Variants in MAN2A1 observed in about 807,000 individuals in gnomAD.
MAN2A1 encodes the protein mannosidase alpha class 2A member 1, also known as alpha-mannosidase 2.
MAN2A1 carries 76 observed loss-of-function variants against 142.6 expected under a neutral mutation model. The observed-to-expected ratio is 0.53, with a 90% CI of 0.44 to 0.65. The LOEUF is 0.65. Ranked by LOEUF, MAN2A1 falls within the 30% of genes least tolerant of loss-of-function variation. The pLI is 0.00. For synonymous variants in MAN2A1, 559 were observed against 473.2 expected (o/e 1.18, Z -2.35); for missense variants, 1,311 against 1,365.1 (o/e 0.96, Z 0.62).
At chr5:109,736,344 A>T (rs576319758) in intron 4 of MAN2A1, among the ~76,000 whole-genome samples, 3 of 152,054 alleles carry the variant, frequency 2.0e-5, no homozygotes, top group Non-Finnish European at 4.4e-5. Context: ...TATAAAGGCA[A>T]TTTTTTGATT....
At chr5:109,706,702 C>T (rs1751143491) in intron 1 of MAN2A1, among the ~76,000 whole-genome samples, 1 of 151,692 alleles carries the variant, frequency 6.6e-6, no homozygotes, top group Non-Finnish European at 1.5e-5. Flanking sequence ...CCAGAAAGAA[C>T]TTGATGTGTT....
chr5:109,753,766 G>A (rs970425410), intron 4 of MAN2A1, among the ~76,000 whole-genome samples: 2 of 152,114 alleles, frequency 1.3e-5, no homozygotes, highest in Non-Finnish European at 2.9e-5. Flanking sequence ...GCTGTTAGCT[G>A]TAGGCATCCA....
At chr5:109,759,176 C>G (rs1337825787) in intron 5 of MAN2A1, among the ~76,000 whole-genome samples, 1 of 152,084 alleles carries the variant, frequency 6.6e-6, no homozygotes, top group Admixed American at 6.6e-5. Context: ...AACAATGTCA[C>G]ATCTTCTGAT....
chr5:109,843,416 A>AC lies in MAN2A1; in HGVS notation c.2700+957dup, dbSNP rs558513482. On this transcript the variant is annotated intron_variant, in intron 17 of 21. Transcript: ENST00000261483. ...CTGCCCACCAGGTCTCTCTCTCAACACCTGGGGATTACAATTCAAGATGAG... is the reference window on the plus strand; with the variant it reads ...CTGCCCACCAGGTCTCTCTCTCAACACCCTGGGGATTACAATTCAAGATGAG... 2.7e-4 allele frequency among the ~76,000 whole-genome samples: 41 copies of AC among 152,228 alleles called. No homozygotes were observed. In the South Asian group the frequency reaches 8.3e-3, roughly 31 times the overall value.
chr5:109,743,312 C>G (rs922220490), intron 4 of MAN2A1, among the ~76,000 whole-genome samples: 4 of 152,160 alleles, frequency 2.6e-5, no homozygotes, highest in African/African-American at 9.7e-5. Context: ...GGACTACTTC[C>G]AGATCTAAAG....
chr5:109,766,116 T>C (rs947393144), intron 5 of MAN2A1, among the ~76,000 whole-genome samples: 5 of 152,160 alleles, frequency 3.3e-5, no homozygotes, highest in Admixed American at 6.6e-5. Context: ...CCTGTATCTA[T>C]ATTTTTATAT....
chr5:109,811,857 T>C (rs1450543908), intron 12 of MAN2A1, among the ~76,000 whole-genome samples: 3 of 152,202 alleles, frequency 2.0e-5, no homozygotes, highest in Admixed American at 6.5e-5. Flanking sequence ...ATGTGGTTAC[T>C]TTGAATGTGT....
chr5:109,823,256 TG>T (rs1371515737), intron 15 of MAN2A1, among the ~76,000 whole-genome samples: 2 of 152,196 alleles, frequency 1.3e-5, no homozygotes, highest in Non-Finnish European at 2.9e-5. Context: ...AACCGAGCTA[TG>T]ATTAAACTAT....
chr5:109,780,459 G>A (rs886330182), intron 8 of MAN2A1, among the ~76,000 whole-genome samples: 4 of 151,394 alleles, frequency 2.6e-5, no homozygotes, highest in Admixed American at 6.6e-5. Flanking sequence ...TGGTAGAGAT[G>A]GAATTCAAAG....
intron 3 of MAN2A1, among the ~76,000 whole-genome samples, chr5:109,718,507 A>G (rs1228132987): frequency 6.6e-6 from 1 of 152,152 alleles, no homozygotes; most frequent in Non-Finnish European, 1.5e-5. Context: ...CTTTCCTGAC[A>G]ATTTACCTGG....
intron 5 of MAN2A1, among the ~76,000 whole-genome samples, chr5:109,757,065 G>C (rs1752707985): frequency 6.6e-6 from 1 of 152,034 alleles, no homozygotes; most frequent in African/African-American, 2.4e-5. Context: ...CTTGCACCTG[G>C]TTTCCTCTGG....
Position 109,820,002 on chromosome 5 carries a change from CTT to C in MAN2A1, c.2328+116_2328+117del. ...CTTAAGTAGAGCTGTATCAAATACTCTTGAGTAAAAGGAAGCATGAGCTTTTT... is the reference window on the plus strand; with the variant it reads ...CTTAAGTAGAGCTGTATCAAATACTCGAGTAAAAGGAAGCATGAGCTTTTT... On this transcript the variant is annotated intron_variant, in intron 14 of 21. Coordinates refer to ENST00000261483, the MANE Select transcript of MAN2A1 (RefSeq NM_002372.4). 1.0e-5 allele frequency: 9 copies of C among 859,430 alleles called. No homozygotes were observed. In the East Asian group the frequency reaches 2.2e-4, roughly 21 times the overall value. The allele number at this position is 859,430 out of a possible 1,614,324, so 53.2% of individuals were successfully genotyped here.
rs1275201967 is a variant in MAN2A1 at position 109,845,949 on chromosome 5, A to G, written c.2785A>G (p.Lys929Glu). 23 of 1,613,778 alleles carry G rather than the reference A, an allele frequency of 1.4e-5. No individual in the cohort carries two copies. The highest frequency in any genetic ancestry group is 1.8e-5 in the Non-Finnish European group (21 of 1,179,812). ...MTTMAYIQDA[K>E]HRLTLLSAQS... ...CACAATGGCCTATATCCAGGATGCC[A>G]AACATCGTTTGACACTGCTCTCTGC... The change falls in exon 18 of 22, where the codon AAA becomes GAA. Residue 929 changes from lysine to glutamate, a missense_variant. This residue lies in a region of MAN2A1 where 890 missense variants were observed against 920.5 expected (regional missense o/e 0.97). Coordinates refer to ENST00000261483, the MANE Select transcript of MAN2A1 (RefSeq NM_002372.4).
intron 15 of MAN2A1, among the ~76,000 whole-genome samples, chr5:109,821,538 A>G (rs1387758201): frequency 6.6e-6 from 1 of 152,110 alleles, no homozygotes; most frequent in Non-Finnish European, 1.5e-5. Context: ...GTTCAATCCC[A>G]CCAGCATTTT....
chr5:109,713,805 C>T lies in MAN2A1; in HGVS notation c.390+31C>T, dbSNP rs62377055. 8 of 1,385,240 alleles carry T rather than the reference C, an allele frequency of 5.8e-6. No homozygotes were observed. In the East Asian group the frequency reaches 2.4e-4, roughly 41 times the overall value. 85.8% of individuals were successfully genotyped at this position (1,385,240 alleles called of 1,614,324 possible). A position where few individuals can be genotyped will look rare whatever the true frequency, so the allele number is the denominator to read the frequency against. On this transcript the variant is annotated intron_variant, in intron 2 of 21. Coordinates refer to ENST00000261483, the MANE Select transcript of MAN2A1 (RefSeq NM_002372.4). ...GTATACATTCGTTAATAATCACTGG[C>T]CTTTTTTTTTTTTTGTTCTTTTTAA...
intron 15 of MAN2A1, among the ~76,000 whole-genome samples, chr5:109,823,288 G>A (rs1393840512): frequency 6.6e-6 from 1 of 152,060 alleles, no homozygotes; most frequent in Non-Finnish European, 1.5e-5. Flanking sequence ...CCTGCTTTCA[G>A]TTTGCTTAGA....
chr5:109,713,832 A>G, intron 2 of MAN2A1, 58 bp downstream of exon 2: 1 of 1,486,716 alleles, frequency 6.7e-7, no homozygotes, highest in East Asian at 2.3e-5. Flanking sequence ...TCTTTTTAAG[A>G]TTTGACCTGA....
intron 20 of MAN2A1, among the ~76,000 whole-genome samples, chr5:109,856,068 A>G (rs1448387642): frequency 6.6e-6 from 1 of 152,190 alleles, no homozygotes; most frequent in African/African-American, 2.4e-5. Context: ...GAGGTGAGAA[A>G]TGTTTAATGT....
chr5:109,819,981 A>T (rs537759761), intron 14 of MAN2A1, 94 bp downstream of exon 14: 3 of 949,098 alleles, frequency 3.2e-6, no homozygotes, highest in African/African-American at 3.3e-5. Context: ...AAAAGTCTTA[A>T]GTAGAGCTGT....
Sources: allele counts gnomAD v4.1 joint callset (sites outside exome capture counted in the v4.1 genomes callset), GRCh38; gene constraint gnomAD v4.1.1; regional missense constraint gnomAD v4.1.1; transcripts MANE v1.5; gene names NCBI Gene and HGNC (gene_info 2026-07-23, HGNC 2026-07-21).